The following HAO1 variants were observed in gnomAD, a reference collection of about 807,000 sequenced individuals.
HAO1 encodes hydroxyacid oxidase 1.
Under a neutral mutation model 39.7 loss-of-function variants are expected in HAO1, and 34 were observed. That is an observed-to-expected ratio of 0.86 (90% CI 0.65 to 1.14). The LOEUF (loss-of-function observed/expected upper bound fraction) is 1.14, where lower values mean the gene tolerates loss of function less well. Ranked by LOEUF, HAO1 falls within the 50% of genes most tolerant of loss-of-function variation. HAO1 has a pLI of 0.00. For synonymous variants in HAO1, 172 were observed against 173.2 expected (o/e 0.99, Z 0.05); for missense variants, 479 against 464.5 (o/e 1.03, Z -0.29).
intron 1 of HAO1, among the ~76,000 whole-genome samples, chr20:7,938,867 C>T (rs1260798608): frequency 1.4e-4 from 21 of 151,852 alleles, no homozygotes; most frequent in Admixed American, 6.6e-5. Flanking sequence ...AGCTAGCATG[C>T]GACAAAGGGA....
Position 7,883,527 on chromosome 20 carries a change from AGT to A in HAO1, c.*64_*65del. 8.6e-7 allele frequency: 1 copy of A among 1,169,412 alleles called. No homozygotes were observed. Among genetic ancestry groups the A allele is most frequent in the Non-Finnish European group, 1.3e-6 (1 of 774,150 alleles). 72.4% of individuals were successfully genotyped at this position (1,169,412 alleles called of 1,614,324 possible). On this transcript the variant is annotated 3_prime_UTR_variant, in exon 8 of 8. Coordinates refer to ENST00000378789, the MANE Select transcript of HAO1 (RefSeq NM_017545.3). ...TACAGACTGTGGTCACCCTCTGCAC[AGT>A]GTCTCTTTGTCAAGTAATACATGCT...
chr20:7,930,556 T>C (rs1430450192), intron 2 of HAO1, among the ~76,000 whole-genome samples: 1 of 152,070 alleles, frequency 6.6e-6, no homozygotes, highest in Non-Finnish European at 1.5e-5. Flanking sequence ...GGAAACAATC[T>C]CAATGAATTG....
intron 3 of HAO1, among the ~76,000 whole-genome samples, chr20:7,909,078 G>T (rs543440688): frequency 2.0e-5 from 3 of 151,896 alleles, no homozygotes; most frequent in Non-Finnish European, 4.4e-5. Flanking sequence ...AGCAGGGGTG[G>T]GGTGAAAGGG....
chr20:7,918,342 T>A (rs1568516955), intron 2 of HAO1, among the ~76,000 whole-genome samples: 2 of 152,230 alleles, frequency 1.3e-5, no homozygotes, highest in Non-Finnish European at 2.9e-5. Context: ...GGAATTTATA[T>A]GAACCATTCA....
intron 4 of HAO1, among the ~76,000 whole-genome samples, chr20:7,898,946 A>T (rs1024978005): frequency 3.3e-5 from 1 of 30,324 alleles, no homozygotes; most frequent in Non-Finnish European, 1.8e-4. Flanking sequence ...AGTCAAATGT[A>T]AAAAAAAAAA....
rs906150252 is a variant in HAO1 at position 7,906,717 on chromosome 20, T to C, written c.546-388A>G. On this transcript the variant is annotated intron_variant, in intron 3 of 7. Coordinates refer to ENST00000378789, the MANE Select transcript of HAO1 (RefSeq NM_017545.3). ...ATTTAAAAAGCATTTTTATGGTGCA[T>C]TATAATTTACAAAGGGTTTTGTATG... Among the ~76,000 whole-genome samples, 12 of 152,016 alleles carry C rather than the reference T, an allele frequency of 7.9e-5. 1 individual carries two copies. The South Asian group carries it at 1.9e-3, about 24-fold the overall frequency.
intron 5 of HAO1, among the ~76,000 whole-genome samples, chr20:7,893,922 A>G (rs1196916693): frequency 1.3e-5 from 2 of 152,102 alleles, no homozygotes; most frequent in Non-Finnish European, 2.9e-5. Flanking sequence ...AGCATCAGAC[A>G]CTGCAAACAA....
At chr20:7,927,433 A>G (rs2050364625) in intron 2 of HAO1, among the ~76,000 whole-genome samples, 1 of 152,180 alleles carries the variant, frequency 6.6e-6, no homozygotes, top group East Asian at 1.9e-4. Context: ...TGCCATTATA[A>G]GTAGAGGCAC....
chr20:7,892,554 C>A (rs2050179026), intron 5 of HAO1, among the ~76,000 whole-genome samples: 1 of 152,180 alleles, frequency 6.6e-6, no homozygotes, highest in Admixed American at 6.5e-5. Flanking sequence ...AGTGAAACAA[C>A]AGACCACTAC....
intron 2 of HAO1, among the ~76,000 whole-genome samples, chr20:7,919,221 A>G (rs908846133): frequency 6.6e-6 from 1 of 152,234 alleles, no homozygotes; most frequent in African/African-American, 2.4e-5. Flanking sequence ...TACACCATCA[A>G]GTAACACTGA....
Position 7,885,816 on chromosome 20 carries a change from C to T in HAO1, c.862G>A (p.Val288Ile), listed in dbSNP as rs1157396062. 8 of 1,613,272 alleles carry T rather than the reference C, an allele frequency of 5.0e-6. No individual in the cohort carries two copies. Among genetic ancestry groups the T allele is most frequent in the Non-Finnish European group, 6.8e-6 (8 of 1,179,364 alleles). Residue 288 changes from valine to isoleucine, a missense_variant, in exon 6 of 8, where the codon GTC (valine) becomes ATC (isoleucine). Physicochemically the swap from Val to Ile is conservative, Grantham distance 29 (BLOSUM62 3). Transcript: ENST00000378789. ...IVEAVEGKVE[V>I]FLDGGVRKGT... ...TTCCGCACACCCCCGTCCAGGAAGA[C>T]TTCCACCTTCCCTTCCACAGCCTCC...
intron 2 of HAO1, among the ~76,000 whole-genome samples, chr20:7,921,769 T>C (rs1156826857): frequency 6.6e-6 from 1 of 152,126 alleles, no homozygotes; most frequent in Non-Finnish European, 1.5e-5. Flanking sequence ...GAATACTATG[T>C]AGCCATAAAA....
At chr20:7,888,452 G>A (rs141853492) in intron 5 of HAO1, among the ~76,000 whole-genome samples, 2 of 152,102 alleles carry the variant, frequency 1.3e-5, no homozygotes, top group East Asian at 1.9e-4. Flanking sequence ...TTTTAGGTAT[G>A]GAAACCTTTG....
At chr20:7,922,051 G>T (rs2050335935) in intron 2 of HAO1, among the ~76,000 whole-genome samples, 1 of 151,940 alleles carries the variant, frequency 6.6e-6, no homozygotes, top group South Asian at 2.1e-4. Flanking sequence ...CCAAACCTCA[G>T]CATCATGCAA....
chr20:7,932,551 T>C (rs139190339), intron 2 of HAO1, among the ~76,000 whole-genome samples: 6 of 152,224 alleles, frequency 3.9e-5, no homozygotes, highest in Non-Finnish European at 7.3e-5. Flanking sequence ...TCATCACTTA[T>C]AAATAAACAT....
Position 7,906,480 on chromosome 20 carries a change from T to A in HAO1, c.546-151A>T, listed in dbSNP as rs1006887026. 4.4e-5 allele frequency: 27 copies of A among 611,636 alleles called. No homozygotes were observed. The Admixed American group carries it at 7.5e-4, about 17-fold the overall frequency. The allele number at this position is 611,636 out of a possible 1,614,324, so 37.9% of individuals were successfully genotyped here. On this transcript the variant is annotated intron_variant, in intron 3 of 7. Coordinates refer to ENST00000378789, the MANE Select transcript of HAO1 (RefSeq NM_017545.3). The stretch of plus-strand genomic sequence containing the variant: ...TCAATTGCACACATATTTTCCATAT[T>A]TTGATGTAGGACTCTAGACTAAATG...
intron 2 of HAO1, among the ~76,000 whole-genome samples, chr20:7,924,196 G>GTTT (rs201817660): frequency 0.098 from 12,288 of 125,724 alleles, 596 homozygotes; most frequent in African/African-American, 0.16. Flanking sequence ...TTTGGGTTGT[G>GTTT]TTGTTGTTGT....
chr20:7,907,610 T>G (rs1265923928), intron 3 of HAO1, among the ~76,000 whole-genome samples: 1 of 152,182 alleles, frequency 6.6e-6, no homozygotes, highest in Non-Finnish European at 1.5e-5. Context: ...TGAGACAAAG[T>G]ACCACTGAGT....
In HAO1 at chr20:7,929,135, T is replaced by C. The variant is rs560853587; in HGVS notation, c.289+5349A>G. 6.6e-5 allele frequency among the ~76,000 whole-genome samples: 10 copies of C among 152,300 alleles called. No homozygotes were observed. The East Asian group carries it at 1.9e-3, about 29-fold the overall frequency. Reference sequence around the variant, plus strand: ...TTTTTGGACATTTACATTACAAGCCTGGCTCCTAAAAGTACCTTTTTTTCC... The same window carrying C: ...TTTTTGGACATTTACATTACAAGCCCGGCTCCTAAAAGTACCTTTTTTTCC... On this transcript the variant is annotated intron_variant, in intron 2 of 7. Transcript: ENST00000378789.
Sources: allele counts gnomAD v4.1 joint callset (sites outside exome capture counted in the v4.1 genomes callset), GRCh38; gene constraint gnomAD v4.1.1; transcripts MANE v1.5; gene names NCBI Gene and HGNC (gene_info 2026-07-23, HGNC 2026-07-21).